The following CNTN4 variants were observed in gnomAD, a reference collection of about 807,000 sequenced individuals.
The protein encoded by CNTN4 is contactin 4, also known as contactin-4.
Under a neutral mutation model 122.5 loss-of-function variants are expected in CNTN4, and 77 were observed. The ratio of observed to expected loss-of-function variants is 0.63; its 90% CI spans 0.52 to 0.76. The LOEUF is 0.76. Among genes scored for constraint, CNTN4 ranks in the 30% least tolerant of loss-of-function variants. The pLI, the probability that CNTN4 is intolerant of heterozygous loss-of-function variation, is 0.00. For synonymous variants in CNTN4, 512 were observed against 447.0 expected (o/e 1.15, Z -1.83); for missense variants, 1,256 against 1,259.1 (o/e 1.00, Z 0.04).
chr3:2,827,573 A>T (rs1467885749), intron 7 of CNTN4, among the ~76,000 whole-genome samples: 1 of 152,356 alleles, frequency 6.6e-6, no homozygotes, highest in African/African-American at 2.4e-5. Flanking sequence ...CAAGAGATTT[A>T]TATGGAATTT....
chr3:2,537,996 C>T (rs1185136167), intron 3 of CNTN4, among the ~76,000 whole-genome samples: 1 of 151,852 alleles, frequency 6.6e-6, no homozygotes, highest in Non-Finnish European at 1.5e-5. Flanking sequence ...GCATAACCCC[C>T]CTGTACACCT....
intron 4 of CNTN4, among the ~76,000 whole-genome samples, chr3:2,720,476 A>C (rs2087779222): frequency 6.6e-6 from 1 of 152,180 alleles, no homozygotes; most frequent in Admixed American, 6.5e-5. Flanking sequence ...TATGTACCCA[A>C]CTGAGCCATC....
intron 4 of CNTN4, among the ~76,000 whole-genome samples, chr3:2,725,704 G>A (rs911245755): frequency 2.0e-5 from 3 of 152,138 alleles, no homozygotes; most frequent in African/African-American, 7.2e-5. Flanking sequence ...GATCCCGGTG[G>A]TGTTCAGGTT....
At chr3:2,275,222 G>T (rs1165294942) in intron 2 of CNTN4, among the ~76,000 whole-genome samples, 2 of 152,174 alleles carry the variant, frequency 1.3e-5, no homozygotes, top group African/African-American at 4.8e-5. Context: ...GTTGAGCTGT[G>T]CAGTTGCCAC....
At chr3:2,364,331 A>G (rs999052429) in intron 3 of CNTN4, among the ~76,000 whole-genome samples, 1 of 152,160 alleles carries the variant, frequency 6.6e-6, no homozygotes, top group Non-Finnish European at 1.5e-5. Flanking sequence ...ATTAAATTGG[A>G]AAGTTCCAAC....
At chr3:2,529,247 C>T (rs1282112837) in intron 3 of CNTN4, among the ~76,000 whole-genome samples, 1 of 152,038 alleles carries the variant, frequency 6.6e-6, no homozygotes, top group African/African-American at 2.4e-5. Context: ...ACATAAAGTC[C>T]TCTGGAGTCA....
chr3:2,724,718 G>A (rs2088095969), intron 4 of CNTN4, among the ~76,000 whole-genome samples: 1 of 152,196 alleles, frequency 6.6e-6, no homozygotes, highest in Non-Finnish European at 1.5e-5. Flanking sequence ...CTGTGATTGG[G>A]CAGTTTAATG....
chr3:2,429,682 TG>T lies in CNTN4; in HGVS notation c.-89+90451del, dbSNP rs563220899. Among the ~76,000 whole-genome samples, 22 of 152,284 alleles carry T rather than the reference TG, an allele frequency of 1.4e-4. No homozygotes were observed. In the East Asian group the frequency reaches 3.7e-3, roughly 26 times the overall value. On this transcript the variant is annotated intron_variant, in intron 3 of 24. Coordinates refer to ENST00000418658, the MANE Select transcript of CNTN4 (RefSeq NM_175607.3). ...TCAGCTGTGCCATGCCCCGAAGAGT[TG>T]GAGTCTACAGAGGCAGGCAGGCCTC...
At chr3:2,115,266 C>G (rs539246384) in intron 2 of CNTN4, among the ~76,000 whole-genome samples, 11 of 152,280 alleles carry the variant, frequency 7.2e-5, no homozygotes, top group African/African-American at 2.6e-4. Flanking sequence ...GTGTCCTGGC[C>G]CCACTGAACA....
At position 2,365,873 on chromosome 3, in the gene CNTN4, G is replaced by A. The variant is rs1414414288; in HGVS notation, c.-89+26640G>A. 2.0e-5 allele frequency among the ~76,000 whole-genome samples: 3 copies of A among 152,204 alleles called. No individual in the cohort carries two copies. The South Asian group carries it at 6.2e-4, about 32-fold the overall frequency. ...ACAGAAGTCTGTCTATGTTGGGTTT[G>A]ATGAAAAGAGGGTAAAATGTTTTAT... On this transcript the variant is annotated intron_variant, in intron 3 of 24. Transcript: ENST00000418658.
chr3:2,874,684 G>T (rs6808898), intron 8 of CNTN4, among the ~76,000 whole-genome samples: 1,928 of 152,298 alleles, frequency 0.013, 41 homozygotes, highest in African/African-American at 0.044. Context: ...GAGCAGTGAA[G>T]TGTACAGGGA....
chr3:2,542,548 C>T (rs955081545), intron 3 of CNTN4, among the ~76,000 whole-genome samples: 2 of 152,078 alleles, frequency 1.3e-5, no homozygotes, highest in South Asian at 2.1e-4. Flanking sequence ...GCCTAGCAAC[C>T]GCTGATATAG....
intron 2 of CNTN4, among the ~76,000 whole-genome samples, chr3:2,117,420 C>T (rs979358111): frequency 2.6e-5 from 4 of 152,180 alleles, no homozygotes; most frequent in African/African-American, 4.8e-5. Flanking sequence ...TGCATCTGAA[C>T]GCTGTCCTTC....
At position 2,749,722 on chromosome 3, in the gene CNTN4, CT is replaced by C. The variant is rs551043020; in HGVS notation, c.358+4027del. Among the ~76,000 whole-genome samples the C allele has an allele frequency of 3.5e-3, 535 of 152,160 alleles. 1 individual carries two copies. Among genetic ancestry groups the C allele is most frequent in the Middle Eastern group, 0.014 (4 of 294 alleles). On this transcript the variant is annotated intron_variant, in intron 6 of 24. Transcript: ENST00000418658. ...TATACCCAAACCCACCCTTTCTATT[CT>C]TGTAATTTTCTGGAGTTTATCTTTT...
At chr3:2,158,924 G>T (rs1170813148) in intron 2 of CNTN4, among the ~76,000 whole-genome samples, 2 of 152,144 alleles carry the variant, frequency 1.3e-5, no homozygotes, top group South Asian at 2.1e-4. Flanking sequence ...AGCATAGTCA[G>T]TGTAAGCATC....
At chr3:2,962,407 G>C (rs1225601538) in intron 13 of CNTN4, among the ~76,000 whole-genome samples, 1 of 152,208 alleles carries the variant, frequency 6.6e-6, no homozygotes, top group African/African-American at 2.4e-5. Flanking sequence ...AAATGTGTCA[G>C]CATTCTTGGG....
chr3:2,794,049 A>G (rs570423075), intron 6 of CNTN4, among the ~76,000 whole-genome samples: 5 of 152,178 alleles, frequency 3.3e-5, no homozygotes, highest in Non-Finnish European at 5.9e-5. Context: ...AGTTTACAGC[A>G]TAAGGAAATT....
intron 20 of CNTN4, 145 bp from the exon 21 acceptor site, chr3:3,042,165 T>C (rs999385582): frequency 1.9e-5 from 13 of 691,046 alleles, no homozygotes; most frequent in African/African-American, 1.8e-4. Flanking sequence ...TATTAATCAC[T>C]GCCCCTCTGC....
chr3:2,480,290 A>G (rs1467654657), intron 3 of CNTN4, among the ~76,000 whole-genome samples: 3 of 152,156 alleles, frequency 2.0e-5, no homozygotes, highest in South Asian at 2.1e-4. Flanking sequence ...AGAAAAAGTA[A>G]AAGTATACAG....
Sources: allele counts gnomAD v4.1 joint callset (sites outside exome capture counted in the v4.1 genomes callset), GRCh38; gene constraint gnomAD v4.1.1; transcripts MANE v1.5; gene names NCBI Gene and HGNC (gene_info 2026-07-23, HGNC 2026-07-21).